The following PTPRD variants were observed in gnomAD, a reference collection of about 807,000 sequenced individuals.
PTPRD encodes protein tyrosine phosphatase receptor type D.
In PTPRD, 34 loss-of-function variants were observed where a neutral mutation model predicts 214.5. The ratio of observed to expected loss-of-function variants is 0.16; its 90% CI spans 0.12 to 0.21. PTPRD has a LOEUF of 0.21. PTPRD is among the 10% of genes least tolerant of loss of function. The probability of loss-of-function intolerance (pLI) is 1.00; values close to 1 mark genes in which losing one functional copy is unlikely to be tolerated. For missense variants in PTPRD, 2,545 were observed against 2,398.7 expected (o/e 1.06, Z -1.27); for synonymous variants, 1,128 against 845.7 (o/e 1.33, Z -5.79).
intron 30 of PTPRD, among the ~76,000 whole-genome samples, chr9:8,480,670 C>T (rs2135543953): frequency 6.6e-6 from 1 of 152,256 alleles, no homozygotes; most frequent in South Asian, 2.1e-4. Flanking sequence ...TCTTACATAT[C>T]AATTATATTT....
chr9:8,818,458 C>G (rs1314961059), intron 11 of PTPRD, among the ~76,000 whole-genome samples: 1 of 152,124 alleles, frequency 6.6e-6, no homozygotes, highest in Admixed American at 6.6e-5. Flanking sequence ...AGGTAGTGTC[C>G]TAAGAGCTTT....
chr9:8,849,932 C>T (rs1164986869), intron 11 of PTPRD, among the ~76,000 whole-genome samples: 2 of 151,770 alleles, frequency 1.3e-5, no homozygotes, highest in East Asian at 1.9e-4. Context: ...TAAGAAGCTG[C>T]GTATGGAGTG....
intron 4 of PTPRD, among the ~76,000 whole-genome samples, chr9:9,957,848 A>T (rs1174277461): frequency 2.6e-5 from 4 of 152,148 alleles, no homozygotes; most frequent in Admixed American, 1.3e-4. Context: ...ACACCGATCA[A>T]CAGAATAGAA....
intron 11 of PTPRD, among the ~76,000 whole-genome samples, chr9:8,877,855 C>G (rs146189726): frequency 2.2e-4 from 33 of 152,226 alleles, no homozygotes; most frequent in African/African-American, 7.9e-4. Flanking sequence ...TCCAATTCTC[C>G]CTTTCTTAAA....
chr9:8,518,997 T>A (rs151295128), intron 20 of PTPRD, among the ~76,000 whole-genome samples: 21 of 152,292 alleles, frequency 1.4e-4, no homozygotes, highest in African/African-American at 4.8e-4. Flanking sequence ...GTGGAATACA[T>A]TGAAATGAAA....
intron 11 of PTPRD, among the ~76,000 whole-genome samples, chr9:8,756,951 G>T (rs1016871950): frequency 6.6e-6 from 1 of 151,974 alleles, no homozygotes; most frequent in African/African-American, 2.4e-5. Context: ...GACCACCTTG[G>T]CCAACGTGGT....
At chr9:9,355,908 C>T in intron 9 of PTPRD, among the ~76,000 whole-genome samples, 1 of 151,176 alleles carries the variant, frequency 6.6e-6, no homozygotes, top group Non-Finnish European at 1.5e-5. Context: ...ATCACAGACG[C>T]CAATAGAAAA....
chr9:9,355,875 G>C (rs1329621814), intron 9 of PTPRD, among the ~76,000 whole-genome samples: 1 of 151,404 alleles, frequency 6.6e-6, no homozygotes, highest in Non-Finnish European at 1.5e-5. Context: ...CAGTGAAACA[G>C]AAGAAAAGCC....
chr9:8,538,675 G>A (rs1406454229), intron 14 of PTPRD, among the ~76,000 whole-genome samples: 1 of 150,908 alleles, frequency 6.6e-6, no homozygotes, highest in Non-Finnish European at 1.5e-5. Flanking sequence ...AAATATATAT[G>A]TATACATATA....
intron 8 of PTPRD, among the ~76,000 whole-genome samples, chr9:9,463,564 CT>C (rs1207634524): frequency 1.3e-5 from 2 of 152,030 alleles, no homozygotes; most frequent in Non-Finnish European, 2.9e-5. Context: ...CACCTACTTC[CT>C]TTAATTTCTA....
intron 9 of PTPRD, among the ~76,000 whole-genome samples, chr9:9,258,102 T>TTAG: frequency 6.7e-6 from 1 of 149,438 alleles, no homozygotes; most frequent in African/African-American, 2.4e-5. Context: ...GATAGATAGA[T>TTAG]AGATAGATAG....
intron 2 of PTPRD, among the ~76,000 whole-genome samples, chr9:10,538,239 AAAATAAATAAATAAATAAATAAAT>A (rs139133858): frequency 0.015 from 1,956 of 130,338 alleles, 42 homozygotes; most frequent in African/African-American, 0.045. Context: ...GCCTCATCAT[AAAATAAATAAATAAATAAATAAAT>A]AAATAAATAA....
intron 10 of PTPRD, among the ~76,000 whole-genome samples, chr9:9,159,004 C>T (rs1219660094): frequency 6.6e-6 from 1 of 152,110 alleles, no homozygotes; most frequent in African/African-American, 2.4e-5. Flanking sequence ...TGACAAAATT[C>T]AACACTCTTT....
chr9:8,625,445 GAA>G (rs946133701), intron 14 of PTPRD, among the ~76,000 whole-genome samples: 2 of 151,708 alleles, frequency 1.3e-5, no homozygotes, highest in African/African-American at 4.8e-5. Flanking sequence ...TAGAAAGGTA[GAA>G]AATATCTAAA....
chr9:9,644,214 T>C (rs1456204081), intron 7 of PTPRD, among the ~76,000 whole-genome samples: 4 of 152,162 alleles, frequency 2.6e-5, no homozygotes, highest in Non-Finnish European at 5.9e-5. Context: ...TCCAACCCTC[T>C]TGACATTTTG....
intron 3 of PTPRD, among the ~76,000 whole-genome samples, chr9:10,335,282 C>T (rs2096825402): frequency 6.6e-6 from 1 of 151,674 alleles, no homozygotes. Context: ...AACAGACTCA[C>T]ATAAACATAG....
rs2075997850 is a variant in PTPRD, at chr9:10,593,585, T to C, written c.-600+18813A>G. 2.0e-5 allele frequency among the ~76,000 whole-genome samples: 3 copies of C among 152,038 alleles called. No individual in the cohort carries two copies. The South Asian group carries it at 6.2e-4, about 31-fold the overall frequency. Reference sequence around the variant, plus strand: ...CAGTGGCTTCAGATCTGTGTTCTTGTTCTAAATATGTCTATATTTATTTAA... The same window carrying C: ...CAGTGGCTTCAGATCTGTGTTCTTGCTCTAAATATGTCTATATTTATTTAA... On this transcript the variant is annotated intron_variant, in intron 2 of 45. Coordinates refer to ENST00000381196, the MANE Select transcript of PTPRD (RefSeq NM_002839.4).
chr9:10,329,170 C>T (rs895136945), intron 3 of PTPRD, among the ~76,000 whole-genome samples: 7 of 151,562 alleles, frequency 4.6e-5, no homozygotes, highest in Non-Finnish European at 1.0e-4. Flanking sequence ...TTTAATATTC[C>T]AAAATATTCA....
intron 35 of PTPRD, among the ~76,000 whole-genome samples, chr9:8,412,224 C>A (rs1011941669): frequency 2.0e-5 from 3 of 152,056 alleles, no homozygotes; most frequent in Admixed American, 6.6e-5. Flanking sequence ...CTGGGCAACA[C>A]AGCAAGACCC....
Sources: gnomAD v4.1 joint callset for allele counts (sites outside exome capture counted in the v4.1 genomes callset) on GRCh38, gnomAD v4.1.1 for gene constraint, MANE v1.5 for transcripts, NCBI Gene and HGNC (gene_info 2026-07-23, HGNC 2026-07-21) for gene names.